Variants in EPB41L5 observed in about 807,000 individuals in gnomAD.
The protein encoded by EPB41L5 is band 4.1-like protein 5.
Under a neutral mutation model 106.6 loss-of-function variants are expected in EPB41L5, and 55 were observed. The ratio of observed to expected loss-of-function variants is 0.52; its 90% confidence interval spans 0.42 to 0.65. The LOEUF (loss-of-function observed/expected upper bound fraction) is 0.65, where lower values mean the gene tolerates loss of function less well. Ranked by LOEUF, EPB41L5 falls within the 30% of genes least tolerant of loss-of-function variation. The pLI is 0.00. For synonymous variants in EPB41L5, 297 were observed against 306.7 expected, an observed-to-expected ratio of 0.97 and a Z score of 0.33; for missense variants, 871 against 882.1, an observed-to-expected ratio of 0.99 and a Z score of 0.16.
At chr2:120,034,936 T>A (rs528086256) in intron 2 of EPB41L5, among the ~76,000 whole-genome samples, 1 of 152,366 alleles carries the variant, frequency 6.6e-6, no homozygotes, top group East Asian at 1.9e-4. Flanking sequence ...CCAGTAGTTT[T>A]CTTTTTCATT....
chr2:120,146,421 A>G, intron 20 of EPB41L5, 132 bp downstream of exon 20: 3 of 589,112 alleles, frequency 5.1e-6, no homozygotes, highest in South Asian at 2.4e-5. Flanking sequence ...TATTGTATCC[A>G]TTACAGACCA....
chr2:120,159,372 G>A (rs1259128649), intron 20 of EPB41L5, among the ~76,000 whole-genome samples: 9 of 145,690 alleles, frequency 6.2e-5, no homozygotes, highest in South Asian at 2.2e-4. Context: ...GCAGCAAGCC[G>A]AGATCGCGCC....
At chr2:120,085,545 A>G (rs1484797973) in intron 10 of EPB41L5, among the ~76,000 whole-genome samples, 1 of 152,162 alleles carries the variant, frequency 6.6e-6, no homozygotes, top group Non-Finnish European at 1.5e-5. Flanking sequence ...CAGTTAGGCT[A>G]CTTGGGGGTC....
At chr2:120,117,307 A>G (rs1419276950) in intron 16 of EPB41L5, among the ~76,000 whole-genome samples, 7 of 152,160 alleles carry the variant, frequency 4.6e-5, no homozygotes. Flanking sequence ...TGCTATACCC[A>G]TGCCACTGTC....
At chr2:120,014,656 G>C (rs1677388346) in intron 1 of EPB41L5, among the ~76,000 whole-genome samples, 2 of 152,214 alleles carry the variant, frequency 1.3e-5, no homozygotes, top group African/African-American at 4.8e-5. Flanking sequence ...AAATGGGAGC[G>C]GGTGGAAGAG....
chr2:120,142,106 TC>T (rs1489854220), intron 18 of EPB41L5, among the ~76,000 whole-genome samples: 7 of 59,092 alleles, frequency 1.2e-4, no homozygotes, highest in East Asian at 4.5e-4. Flanking sequence ...CTCTGTGCTT[TC>T]TTTTTTAAAA....
intron 3 of EPB41L5, among the ~76,000 whole-genome samples, chr2:120,061,030 A>ATTT (rs1487982867): frequency 1.0e-3 from 66 of 63,108 alleles, no homozygotes; most frequent in East Asian, 2.6e-3. Context: ...GGTTCAGGGA[A>ATTT]GTTTTTTTTT....
chr2:120,091,752 T>G (rs2105369469), intron 13 of EPB41L5, 91 bp downstream of exon 13: 1 of 951,242 alleles, frequency 1.1e-6, no homozygotes, highest in South Asian at 1.6e-5. Flanking sequence ...TACCTGAATC[T>G]CCTCCTCAGG....
chr2:120,067,672 C>A (rs1681536956), intron 3 of EPB41L5, among the ~76,000 whole-genome samples: 1 of 152,018 alleles, frequency 6.6e-6, no homozygotes, highest in Admixed American at 6.6e-5. Flanking sequence ...ATAGATAGAA[C>A]CTTGATTATG....
At chr2:120,105,061 G>A (rs932103749) in intron 16 of EPB41L5, 1 of 982,734 alleles carries the variant, frequency 1.0e-6, no homozygotes, top group African/African-American at 1.7e-5. Context: ...GTTTGCAACA[G>A]TCTCATAATC....
rs373981567 is a variant in EPB41L5, at chr2:120,127,675, A to T, written c.1338-13A>T. On this transcript the variant is annotated splice_polypyrimidine_tract_variant and intron_variant, in intron 16 of 24. Coordinates refer to ENST00000263713, the MANE Select transcript of EPB41L5 (RefSeq NM_020909.4). Reference sequence around the variant, plus strand: ...ATTTCTTGGTCTAAGTAAATTTTCTATTTCCATTGCAGCATTCCTCTGAAT... The same window carrying T: ...ATTTCTTGGTCTAAGTAAATTTTCTTTTTCCATTGCAGCATTCCTCTGAAT... 1.3e-6 allele frequency: 2 copies of T among 1,555,952 alleles called. No individual in the cohort carries two copies. The highest frequency in any genetic ancestry group is 2.7e-5 in the African/African-American group (2 of 74,274).
rs1438714381 is a variant in EPB41L5 at position 120,177,975 on chromosome 2, T to C, written c.*3068T>C. On this transcript the variant is annotated 3_prime_UTR_variant, in exon 25 of 25. Coordinates refer to ENST00000263713, the MANE Select transcript of EPB41L5 (RefSeq NM_020909.4). The stretch of plus-strand genomic sequence containing the variant: ...TTCAGAAGTCTTGTTAGCAGAATTA[T>C]TTATCAGTCACAGAGAGAAAAATCT... 6.6e-6 allele frequency: 1 copy of C among 152,398 alleles called. No homozygotes were observed. Among genetic ancestry groups the C allele is most frequent in the Non-Finnish European group, 1.5e-5 (1 of 68,044 alleles). The allele number at this position is 152,398 out of a possible 1,614,324, so 9.4% of individuals were successfully genotyped here. A position where few individuals can be genotyped will look rare whatever the true frequency, so the allele number is the denominator to read the frequency against.
intron 21 of EPB41L5, among the ~76,000 whole-genome samples, chr2:120,161,673 G>A (rs185039807): frequency 1.5e-4 from 23 of 152,220 alleles, no homozygotes; most frequent in Admixed American, 8.5e-4. Context: ...GCTTCGGACC[G>A]GTACTGGTCC....
chr2:120,158,836 A>T (rs1687012598), intron 20 of EPB41L5, among the ~76,000 whole-genome samples: 1 of 152,192 alleles, frequency 6.6e-6, no homozygotes, highest in South Asian at 2.1e-4. Flanking sequence ...ATATCTAGAA[A>T]ACCCCATAGT....
chr2:120,139,398 A>G (rs1686076808), intron 18 of EPB41L5, among the ~76,000 whole-genome samples: 1 of 152,070 alleles, frequency 6.6e-6, no homozygotes, highest in Admixed American at 6.6e-5. Context: ...TGACCCACAG[A>G]ATGGTAGAAA....
At chr2:120,030,036 T>G (rs939558481) in intron 2 of EPB41L5, among the ~76,000 whole-genome samples, 3 of 152,108 alleles carry the variant, frequency 2.0e-5, no homozygotes, top group African/African-American at 7.2e-5. Flanking sequence ...ACTGAGGAAA[T>G]GATGACAGTG....
chr2:120,093,421 A>C, intron 14 of EPB41L5, 145 bp downstream of exon 14: 1 of 727,674 alleles, frequency 1.4e-6, no homozygotes, highest in Non-Finnish European at 2.4e-6. Context: ...TGAACATGTA[A>C]TGCCAGATAA....
At chr2:120,130,336 C>T (rs1247085498) in intron 17 of EPB41L5, among the ~76,000 whole-genome samples, 1 of 152,086 alleles carries the variant, frequency 6.6e-6, no homozygotes, top group Non-Finnish European at 1.5e-5. Flanking sequence ...ATAATTAGAA[C>T]ATTTTTATGT....
chr2:120,115,601 A>C (rs1684911457), intron 16 of EPB41L5, among the ~76,000 whole-genome samples: 1 of 151,834 alleles, frequency 6.6e-6, no homozygotes. Context: ...CATGTTGGTC[A>C]GGCTGGTCTC....
Sources: allele counts gnomAD v4.1 joint callset (sites outside exome capture counted in the v4.1 genomes callset), GRCh38; gene constraint gnomAD v4.1.1; transcripts MANE v1.5; gene names NCBI Gene and HGNC (gene_info 2026-07-23, HGNC 2026-07-21).